ENPP3: variants seen among roughly 807,000 people sequenced by gnomAD.
ENPP3 encodes the protein ectonucleotide pyrophosphatase/phosphodiesterase family member 3.
A neutral mutation model predicts 117.8 loss-of-function variants in ENPP3; 104 were observed. The ratio of observed to expected loss-of-function variants is 0.88; its 90% CI spans 0.75 to 1.04. The LOEUF is 1.04. Ranked by LOEUF, ENPP3 falls within the 50% of genes least tolerant of loss-of-function variation. The pLI, the probability that ENPP3 is intolerant of heterozygous loss-of-function variation, is 0.00. For synonymous variants in ENPP3, 380 were observed against 349.9 expected, an observed-to-expected ratio of 1.09 and a Z score of -0.96; for missense variants, 1,026 against 1,051.9, an observed-to-expected ratio of 0.98 and a Z score of 0.34.
rs1296026219 is a variant in ENPP3 at position 131,652,910 on chromosome 6, G to A, written c.464+19G>A. The A allele has an allele frequency of 6.4e-7, 1 of 1,569,344 alleles. No individual in the cohort carries two copies. The highest frequency in any genetic ancestry group is 1.7e-5 in the Admixed American group (1 of 59,344). ...CAGAAGGGTGAGCATGACTGATACA[G>A]GGATTTTTATCCTCCTTTAACAAAG... On this transcript the variant is annotated intron_variant, in intron 5 of 24. Transcript: ENST00000357639.
At chr6:131,706,023 A>ATAATT (rs1779631557) in intron 15 of ENPP3, among the ~76,000 whole-genome samples, 1 of 133,566 alleles carries the variant, frequency 7.5e-6, no homozygotes. Context: ...ACTTTTTGTC[A>ATAATT]TTATTTTATT....
At chr6:131,720,756 T>C (rs559807864) in intron 17 of ENPP3, among the ~76,000 whole-genome samples, 1 of 152,170 alleles carries the variant, frequency 6.6e-6, no homozygotes, top group Non-Finnish European at 1.5e-5. Context: ...TACTTTTTTT[T>C]GTATTTTTTG....
chr6:131,642,479 A>C (rs1368888606), intron 2 of ENPP3, among the ~76,000 whole-genome samples: 1 of 152,184 alleles, frequency 6.6e-6, no homozygotes, highest in Non-Finnish European at 1.5e-5. Context: ...GACAATATAA[A>C]AAGAATTACC....
intron 2 of ENPP3, among the ~76,000 whole-genome samples, chr6:131,645,885 C>G (rs1304946679): frequency 6.6e-6 from 1 of 152,142 alleles, no homozygotes; most frequent in East Asian, 1.9e-4. Context: ...CCCTGGGAAA[C>G]TTGGTGGGCA....
In ENPP3 at chr6:131,685,497, T is replaced by C. The variant is rs374484422; in HGVS notation, c.1252+2T>C. On this transcript the variant is annotated splice_donor_variant, in intron 13 of 24. Coordinates refer to ENST00000357639, the MANE Select transcript of ENPP3 (RefSeq NM_005021.5). LOFTEE classifies it high-confidence loss of function. ...ATATACCTCATGACTTTTTTAGTTG[T>C]AAGTATGAAGACACCTATATGAAAA... is the stretch of plus-strand genomic sequence containing the variant. 9 of 1,613,182 alleles carry C rather than the reference T, an allele frequency of 5.6e-6. No individual in the cohort carries two copies. The highest frequency in any genetic ancestry group is 1.7e-6 in the Non-Finnish European group (2 of 1,179,684).
rs1468776484 is a variant in ENPP3 at position 131,710,050 on chromosome 6, T to A, written c.1413-8622T>A. ...TAAGCTTTTTAAAGAAACATTTAAC[T>A]TAGCAGCATGAATCAGTTTCTTCAA... On this transcript the variant is annotated intron_variant, in intron 15 of 24. Coordinates refer to ENST00000357639, the MANE Select transcript of ENPP3 (RefSeq NM_005021.5). The A allele has an allele frequency of 6.8e-6, 11 of 1,612,776 alleles. No homozygotes were observed. In the South Asian group the frequency reaches 1.2e-4, roughly 18 times the overall value.
At chr6:131,676,691 T>G in intron 9 of ENPP3, 45 bp from the exon 10 acceptor site, 2 of 1,276,336 alleles carry the variant, frequency 1.6e-6, no homozygotes, top group Non-Finnish European at 1.1e-6. Context: ...GAGTTATTCT[T>G]GATTTGATTC....
intron 6 of ENPP3, among the ~76,000 whole-genome samples, chr6:131,666,187 G>A (rs1262453050): frequency 2.0e-5 from 3 of 151,706 alleles, no homozygotes; most frequent in Non-Finnish European, 4.4e-5. Flanking sequence ...TGGGTTTAAT[G>A]TTCTGTAAGG....
rs1778723284 is a variant in ENPP3, at chr6:131,670,835, A to G, written c.563-413A>G. Among the ~76,000 whole-genome samples the G allele has an allele frequency of 1.1e-4, 17 of 152,182 alleles. No homozygotes were observed. In the South Asian group the frequency reaches 3.3e-3, roughly 30 times the overall value. On this transcript the variant is annotated intron_variant, in intron 6 of 24. Transcript: ENST00000357639. Reference sequence around the variant, plus strand: ...GGTTGGAAGAAAGTAAGAATATTTTATGACACGTAAAAATTACCTGAAATG... The same window carrying G: ...GGTTGGAAGAAAGTAAGAATATTTTGTGACACGTAAAAATTACCTGAAATG...
intron 6 of ENPP3, among the ~76,000 whole-genome samples, chr6:131,667,449 C>T (rs749870867): frequency 1.8e-4 from 27 of 152,096 alleles, no homozygotes; most frequent in Non-Finnish European, 3.2e-4. Context: ...CCTGTGTGCT[C>T]GTTAGAATCT....
chr6:131,738,015 A>G lies in ENPP3; in HGVS notation c.2168-16A>G, dbSNP rs1347686905. On this transcript the variant is annotated splice_polypyrimidine_tract_variant and intron_variant, in intron 22 of 24. Coordinates refer to ENST00000357639, the MANE Select transcript of ENPP3 (RefSeq NM_005021.5). ...CTGAAGTGGACATTTTAAACACTTT[A>G]TGATTTTATTTTTAGAAATGTGGGA... 1 of 1,568,438 alleles carries G rather than the reference A, an allele frequency of 6.4e-7. No homozygotes were observed. The highest frequency in any genetic ancestry group is 2.3e-5 in the East Asian group (1 of 43,924).
chr6:131,737,519 T>G, intron 22 of ENPP3, 87 bp downstream of exon 22: 2 of 769,880 alleles, frequency 2.6e-6, no homozygotes, highest in East Asian at 2.5e-5. Context: ...TTAATTGCAA[T>G]TTGTTCCTGA....
At chr6:131,638,050 T>C (rs1279821552) in intron 1 of ENPP3, among the ~76,000 whole-genome samples, 1 of 152,092 alleles carries the variant, frequency 6.6e-6, no homozygotes, top group Non-Finnish European at 1.5e-5. Context: ...TATTACTCTC[T>C]CTTTTCCCTT....
At chr6:131,665,358 T>A (rs1227143886) in intron 6 of ENPP3, among the ~76,000 whole-genome samples, 1 of 152,180 alleles carries the variant, frequency 6.6e-6, no homozygotes, top group Admixed American at 6.5e-5. Context: ...AAATTGTCAG[T>A]GAAGCCATCT....
chr6:131,714,180 C>A (rs1279863684), intron 15 of ENPP3, among the ~76,000 whole-genome samples: 3 of 151,624 alleles, frequency 2.0e-5, no homozygotes, highest in Non-Finnish European at 4.4e-5. Flanking sequence ...GAATGAATAT[C>A]ACTTTCCCAC....
chr6:131,679,246 C>G (rs1011162116), intron 11 of ENPP3, among the ~76,000 whole-genome samples: 11 of 151,574 alleles, frequency 7.3e-5, no homozygotes, highest in African/African-American at 2.2e-4. Context: ...AGGCATGCGC[C>G]ACCACGCTAG....
intron 13 of ENPP3, 91 bp from the exon 14 acceptor site, chr6:131,685,785 G>T: frequency 1.5e-6 from 1 of 679,782 alleles, no homozygotes; most frequent in South Asian, 1.6e-5. Flanking sequence ...ATTAATAAGT[G>T]AATGTATCAA....
At chr6:131,704,487 G>T (rs1372826650) in intron 15 of ENPP3, among the ~76,000 whole-genome samples, 23 of 126,912 alleles carry the variant, frequency 1.8e-4, no homozygotes, top group Admixed American at 2.4e-4. Flanking sequence ...TTTTTTTTTT[G>T]ATAATATCTG....
At chr6:131,663,294 G>A (rs1220833227) in intron 6 of ENPP3, among the ~76,000 whole-genome samples, 1 of 151,784 alleles carries the variant, frequency 6.6e-6, no homozygotes, top group African/African-American at 2.4e-5. Flanking sequence ...TTATGTTGAA[G>A]TATTTTTTTT....
Sources: gnomAD v4.1 joint callset for allele counts (sites outside exome capture counted in the v4.1 genomes callset) on GRCh38, gnomAD v4.1.1 for gene constraint, MANE v1.5 for transcripts, NCBI Gene and HGNC (gene_info 2026-07-23, HGNC 2026-07-21) for gene names.